The following PIK3R3 variants were observed in gnomAD, a reference collection of about 807,000 sequenced individuals.
The protein encoded by PIK3R3 is phosphatidylinositol 3-kinase regulatory subunit gamma.
Under a neutral mutation model 62.9 loss-of-function variants are expected in PIK3R3, and 64 were observed. That is an observed-to-expected ratio of 1.02 (90% CI 0.83 to 1.25). The LOEUF (loss-of-function observed/expected upper bound fraction) is 1.25, where lower values mean the gene tolerates loss of function less well. PIK3R3 is among the 50% of genes most tolerant of loss of function. The pLI is 0.00. For synonymous variants in PIK3R3, 165 were observed against 189.0 expected (o/e 0.87, Z 1.04); for missense variants, 614 against 561.6 (o/e 1.09, Z -0.94).
chr1:46,077,433 G>C, intron 3 of PIK3R3, 82 bp downstream of exon 3: 1 of 625,822 alleles, frequency 1.6e-6, no homozygotes, highest in Non-Finnish European at 2.8e-6. Flanking sequence ...TATAGATAAA[G>C]ATTTAAATAC....
chr1:46,043,426 A>C lies in PIK3R3; in HGVS notation c.*247T>G, dbSNP rs1647030615. 2.0e-6 allele frequency: 1 copy of C among 506,426 alleles called. No homozygotes were observed. The highest frequency in any genetic ancestry group is 3.6e-6 in the Non-Finnish European group (1 of 278,446). 31.4% of individuals were successfully genotyped at this position (506,426 alleles called of 1,614,324 possible). A position where few individuals can be genotyped will look rare whatever the true frequency, so the allele number is the denominator to read the frequency against. On this transcript the variant is annotated 3_prime_UTR_variant, in exon 10 of 10. Transcript: ENST00000262741. Reference sequence around the variant, plus strand: ...AACAAAACAAAAACCCCAATGAAACAGACTTTCAAAAAAAACATCTGCTTC... The same window carrying C: ...AACAAAACAAAAACCCCAATGAAACCGACTTTCAAAAAAAACATCTGCTTC...
chr1:46,167,631 C>T, the PIK3R3 span, among the ~76,000 whole-genome samples: 1 of 152,206 alleles, frequency 6.6e-6, no homozygotes, highest in Non-Finnish European at 1.5e-5. Context: ...CTACCTGCTC[C>T]TTCTGGGGTC....
chr1:46,109,105 G>C (rs1265801184), intron 1 of PIK3R3, among the ~76,000 whole-genome samples: 1 of 148,846 alleles, frequency 6.7e-6, no homozygotes, highest in Non-Finnish European at 1.5e-5. Context: ...CTTGCAGTAA[G>C]CCAAGATCAC....
chr1:46,163,012 T>C, the PIK3R3 span, among the ~76,000 whole-genome samples: 1 of 152,224 alleles, frequency 6.6e-6, no homozygotes, highest in African/African-American at 2.4e-5. Context: ...CAAACATTAC[T>C]TAAACATTAT....
intron 1 of PIK3R3, among the ~76,000 whole-genome samples, chr1:46,090,739 T>G (rs537747387): frequency 2.1e-4 from 32 of 152,346 alleles, no homozygotes; most frequent in African/African-American, 7.7e-4. Flanking sequence ...ATACTGTATT[T>G]AACTATGCTT....
intron 3 of PIK3R3, among the ~76,000 whole-genome samples, chr1:46,072,857 T>TGA (rs1649672370): frequency 6.6e-6 from 1 of 152,042 alleles, no homozygotes; most frequent in Non-Finnish European, 1.5e-5. Flanking sequence ...CTCGGGAGGC[T>TGA]GAGGCAGGAG....
chr1:46,051,759 G>C (rs1298756489), intron 7 of PIK3R3, among the ~76,000 whole-genome samples: 1 of 152,102 alleles, frequency 6.6e-6, no homozygotes, highest in African/African-American at 2.4e-5. Context: ...ATAGTTCCAA[G>C]ACAACCAAAT....
rs35378730 is a variant in PIK3R3, at chr1:46,073,786, ATT to A, written c.314+3727_314+3728del. 1.9e-3 allele frequency among the ~76,000 whole-genome samples: 240 copies of A among 123,628 alleles called. 1 individual carries two copies. Among genetic ancestry groups the A allele is most frequent in the African/African-American group, 2.4e-3 (79 of 33,074 alleles). The allele number at this position is 123,628 out of a possible 152,430, so 81.1% of individuals were successfully genotyped here. A position where few individuals can be genotyped will look rare whatever the true frequency, so the allele number is the denominator to read the frequency against. On this transcript the variant is annotated intron_variant, in intron 3 of 9. Coordinates refer to ENST00000262741, the MANE Select transcript of PIK3R3 (RefSeq NM_003629.4). ...AGGCGCATGCCACCACATTCAGTTA[ATT>A]TTTTTTTTTTTTTTTTTTAGTATTT...
chr1:46,046,147 CATAA>C, intron 8 of PIK3R3, 59 bp from the exon 9 acceptor site: 3 of 1,026,406 alleles, frequency 2.9e-6, no homozygotes, highest in South Asian at 1.5e-5. Context: ...AAAGCAAATT[CATAA>C]ATAAAACACT....
intron 3 of PIK3R3, among the ~76,000 whole-genome samples, chr1:46,075,311 C>T (rs1649967525): frequency 1.3e-5 from 2 of 152,172 alleles, no homozygotes; most frequent in Admixed American, 1.3e-4. Flanking sequence ...TAAGGAAACT[C>T]ATCCTTAAAA....
chr1:46,074,504 G>T (rs1181046540), intron 3 of PIK3R3, among the ~76,000 whole-genome samples: 1 of 151,796 alleles, frequency 6.6e-6, no homozygotes, highest in African/African-American at 2.4e-5. Flanking sequence ...TCATCTTTAG[G>T]GGCTGCTGGG....
intron 1 of PIK3R3, chr1:46,105,190 G>A: frequency 3.5e-6 from 2 of 566,374 alleles, no homozygotes; most frequent in Non-Finnish European, 6.4e-6. Flanking sequence ...CCCAGCTGGT[G>A]TAATACTGAA....
chr1:46,097,380 C>CA (rs1227800821), intron 1 of PIK3R3, among the ~76,000 whole-genome samples: 1 of 151,338 alleles, frequency 6.6e-6, no homozygotes, highest in Non-Finnish European at 1.5e-5. Context: ...CCTGCCTCCA[C>CA]AAAAAAATAA....
At chr1:46,156,218 G>A in the PIK3R3 span, among the ~76,000 whole-genome samples, 1 of 151,908 alleles carries the variant, frequency 6.6e-6, no homozygotes, top group African/African-American at 2.4e-5. Context: ...ATTCATTGCT[G>A]GCTGGGTTTT....
the PIK3R3 span, among the ~76,000 whole-genome samples, chr1:46,171,772 GC>G: frequency 6.6e-6 from 1 of 152,222 alleles, no homozygotes; most frequent in Middle Eastern, 3.4e-3. Context: ...GAAGAGAGGG[GC>G]CAGGACACTC....
chr1:46,156,770 G>A, the PIK3R3 span, among the ~76,000 whole-genome samples: 4 of 152,188 alleles, frequency 2.6e-5, no homozygotes, highest in African/African-American at 9.7e-5. Flanking sequence ...TGGTACTGCA[G>A]TCACGTTATC....
intron 1 of PIK3R3, among the ~76,000 whole-genome samples, chr1:46,106,191 C>G (rs969360211): frequency 6.6e-6 from 1 of 152,104 alleles, no homozygotes; most frequent in Non-Finnish European, 1.5e-5. Flanking sequence ...CAGCCTTGAC[C>G]TTCCAGGCTC....
At chr1:46,112,909 T>C (rs1653861315) in intron 1 of PIK3R3, among the ~76,000 whole-genome samples, 2 of 152,202 alleles carry the variant, frequency 1.3e-5, no homozygotes, top group African/African-American at 2.4e-5. Flanking sequence ...TCTTGGTTTA[T>C]ACTACCACCA....
At chr1:46,131,766 C>T in intron 1 of PIK3R3, 81 bp downstream of exon 1, 2 of 1,343,282 alleles carry the variant, frequency 1.5e-6, no homozygotes, top group Non-Finnish European at 2.1e-6. Flanking sequence ...AGGAATACTT[C>T]TGCCCTGAAA....
Sources: allele counts gnomAD v4.1 joint callset (sites outside exome capture counted in the v4.1 genomes callset), GRCh38; gene constraint gnomAD v4.1.1; transcripts MANE v1.5; gene names NCBI Gene and HGNC (gene_info 2026-07-23, HGNC 2026-07-21).